Variants in FERMT1 observed in about 807,000 individuals in gnomAD.
The protein encoded by FERMT1 is FERM domain containing kindlin 1.
FERMT1 carries 60 observed loss-of-function variants against 85.3 expected under a neutral mutation model. That is an observed-to-expected ratio of 0.70 (90% CI 0.57 to 0.87). FERMT1 has a LOEUF of 0.87. Ranked by LOEUF, FERMT1 falls within the 40% of genes least tolerant of loss-of-function variation. FERMT1 has a pLI of 0.00. For synonymous variants in FERMT1, 275 were observed against 301.1 expected (o/e 0.91, Z 0.90); for missense variants, 701 against 818.9 (o/e 0.86, Z 1.76).
intron 2 of FERMT1, among the ~76,000 whole-genome samples, chr20:6,118,562 A>G (rs1983172936): frequency 6.6e-6 from 1 of 152,216 alleles, no homozygotes; most frequent in South Asian, 2.1e-4. Context: ...AAGGACTGAA[A>G]AAAAAACTAT....
At position 6,090,768 on chromosome 20, in the gene FERMT1, C is replaced by T. The variant is rs546206534; in HGVS notation, c.1140-1679G>A. ...ATTTAAAAACCCAGCAAAACCCCCT[C>T]AGTGTATTACAGAAGAATATTACAT... is the stretch of plus-strand genomic sequence containing the variant. On this transcript the variant is annotated intron_variant, in intron 9 of 14. Transcript: ENST00000217289. Among the ~76,000 whole-genome samples, 806 of 152,006 alleles carry T rather than the reference C, an allele frequency of 5.3e-3. 8 individuals are homozygous for T. The highest frequency in any genetic ancestry group is 0.019 in the African/African-American group (780 of 41,456).
At chr20:6,108,669 G>A (rs1371118138) in intron 5 of FERMT1, among the ~76,000 whole-genome samples, 3 of 152,092 alleles carry the variant, frequency 2.0e-5, no homozygotes, top group Non-Finnish European at 2.9e-5. Flanking sequence ...AATTAGCCAG[G>A]TGTTGTGGCA....
intron 12 of FERMT1, among the ~76,000 whole-genome samples, 200 bp from the exon 13 acceptor site, chr20:6,084,364 C>T (rs991220336): frequency 6.6e-6 from 1 of 152,114 alleles, no homozygotes; most frequent in Non-Finnish European, 1.5e-5. Context: ...AAAGGATCAC[C>T]CAACACATAA....
intron 13 of FERMT1, 22 bp from the exon 14 acceptor site, chr20:6,079,599 G>T: frequency 6.2e-7 from 1 of 1,606,774 alleles, no homozygotes; most frequent in Non-Finnish European, 8.5e-7. Context: ...CATAATATTA[G>T]TTAAGAGAAG....
At chr20:6,101,708 A>G (rs368264127) in intron 6 of FERMT1, among the ~76,000 whole-genome samples, 1 of 152,188 alleles carries the variant, frequency 6.6e-6, no homozygotes, top group African/African-American at 2.4e-5. Flanking sequence ...GCTGGAGTGC[A>G]ATGGCGCGAT....
intron 9 of FERMT1, among the ~76,000 whole-genome samples, chr20:6,094,341 CTTCTCTGCCTTTTTAGCAGTT>C (rs1398040699): frequency 6.6e-6 from 1 of 152,216 alleles, no homozygotes; most frequent in Non-Finnish European, 1.5e-5. Context: ...AATAAAACTC[CTTCTCTGCCTTTTTAGCAGTT>C]TCAGGTCAAC....
At chr20:6,077,429 G>C (rs1347331342) in intron 14 of FERMT1, 83 bp from the exon 15 acceptor site, 5 of 1,281,304 alleles carry the variant, frequency 3.9e-6, no homozygotes, top group African/African-American at 2.9e-5. Context: ...GGCCCCTGGA[G>C]CTGAGGGCTG....
chr20:6,096,850 C>G (rs759550574), intron 8 of FERMT1, 52 bp downstream of exon 8: 2 of 1,240,946 alleles, frequency 1.6e-6, no homozygotes, highest in Admixed American at 3.8e-5. Flanking sequence ...TTCATTTATA[C>G]TTGTCAATCA....
intron 14 of FERMT1, among the ~76,000 whole-genome samples, chr20:6,078,440 G>A (rs1013829467): frequency 5.9e-5 from 9 of 152,294 alleles, no homozygotes; most frequent in African/African-American, 1.9e-4. Context: ...AATGAGGGAA[G>A]ATTGAGTCTG....
chr20:6,119,454 G>T lies in FERMT1; in HGVS notation c.101C>A (p.Ser34Tyr). The T allele has an allele frequency of 6.2e-7, 1 of 1,614,100 alleles. No homozygotes were observed. Among genetic ancestry groups the T allele is most frequent in the Non-Finnish European group, 8.5e-7 (1 of 1,179,940 alleles). Residue 34 changes from serine (S) to tyrosine (Y), a missense_variant, in exon 2 of 15, where the codon TCT becomes TAT. By Grantham distance (144) the Ser-to-Tyr change is moderately radical (BLOSUM62 -2). Coordinates refer to ENST00000217289, the MANE Select transcript of FERMT1 (RefSeq NM_017671.5). ...EQQKDVTLRV[S>Y]GDLHVGGVML... ...CACTCCTCCAACATGAAGGTCTCCAGATACTCTCAGTGTGACGTCTTTCTG... is the reference window on the plus strand; with the variant it reads ...CACTCCTCCAACATGAAGGTCTCCATATACTCTCAGTGTGACGTCTTTCTG...
intron 2 of FERMT1, among the ~76,000 whole-genome samples, chr20:6,116,267 T>G (rs185501310): frequency 1.7e-4 from 26 of 152,250 alleles, no homozygotes; most frequent in Non-Finnish European, 3.4e-4. Context: ...ATACCTAATG[T>G]AGATGACAGG....
At chr20:6,117,027 C>T (rs1337251378) in intron 2 of FERMT1, among the ~76,000 whole-genome samples, 1 of 152,210 alleles carries the variant, frequency 6.6e-6, no homozygotes, top group African/African-American at 2.4e-5. Context: ...ATCTCCAACT[C>T]TTTATCAGTA....
intron 3 of FERMT1, 106 bp from the exon 4 acceptor site, chr20:6,112,729 A>C: frequency 1.2e-6 from 1 of 827,634 alleles, no homozygotes; most frequent in Non-Finnish European, 1.8e-6. Flanking sequence ...GAAATTTCTG[A>C]AAAGTAAATG....
rs969200090 is a variant in FERMT1, at chr20:6,092,043, C to T, written c.1139+2896G>A. Among the ~76,000 whole-genome samples, 11 of 151,670 alleles carry T rather than the reference C, an allele frequency of 7.3e-5. No homozygotes were observed. The South Asian group carries it at 1.2e-3, about 17-fold the overall frequency. ...GCAACCTCTGCTTCCCAGGCTCAAG[C>T]GATTCTCCTGCCTCAGCCTCCCCAG... On this transcript the variant is annotated intron_variant, in intron 9 of 14. Coordinates refer to ENST00000217289, the MANE Select transcript of FERMT1 (RefSeq NM_017671.5).
At chr20:6,087,581 G>T in intron 11 of FERMT1, 196 bp downstream of exon 11, 1 of 592,040 alleles carries the variant, frequency 1.7e-6, no homozygotes. Context: ...AAAGTGCTGG[G>T]ATTACAGGTG....
At position 6,078,646 on chromosome 20, in the gene FERMT1, GTT is replaced by G. The variant is rs71867735; in HGVS notation, c.1860+788_1860+789del. ...GGCTAGTTCAGCGTTTTTTTTTTTT[GTT>G]TTTTTTTTTTTTAATTTTCTGTGGA... On this transcript the variant is annotated intron_variant, in intron 14 of 14. Transcript: ENST00000217289. Among the ~76,000 whole-genome samples the G allele has an allele frequency of 8.7e-3, 1,025 of 117,414 alleles. 10 individuals are homozygous for G. The highest frequency in any genetic ancestry group is 0.029 in the African/African-American group (989 of 34,582). 77.0% of individuals were successfully genotyped at this position (117,414 alleles called of 152,430 possible). A position where few individuals can be genotyped will look rare whatever the true frequency, so the allele number is the denominator to read the frequency against.
intron 2 of FERMT1, among the ~76,000 whole-genome samples, chr20:6,117,039 C>A (rs1382602969): frequency 6.6e-6 from 1 of 152,302 alleles, no homozygotes; most frequent in Non-Finnish European, 1.5e-5. Flanking sequence ...TTATCAGTAC[C>A]ACCATATCCA....
At chr20:6,103,030 A>C (rs1461129722) in intron 6 of FERMT1, among the ~76,000 whole-genome samples, 6 of 152,196 alleles carry the variant, frequency 3.9e-5, no homozygotes, top group Non-Finnish European at 5.9e-5. Flanking sequence ...GAACTATCAG[A>C]GTTCTAAAAT....
At chr20:6,105,836 A>G (rs1982781743) in intron 6 of FERMT1, among the ~76,000 whole-genome samples, 1 of 152,220 alleles carries the variant, frequency 6.6e-6, no homozygotes, top group African/African-American at 2.4e-5. Flanking sequence ...GATGGGACCA[A>G]ATTACTGACT....
Sources: allele counts gnomAD v4.1 joint callset (sites outside exome capture counted in the v4.1 genomes callset), GRCh38; gene constraint gnomAD v4.1.1; transcripts MANE v1.5; gene names NCBI Gene and HGNC (gene_info 2026-07-23, HGNC 2026-07-21).